NR3C1: variants seen among roughly 807,000 people sequenced by gnomAD.
NR3C1 encodes glucocorticoid receptor.
A neutral mutation model predicts 74.0 loss-of-function variants in NR3C1; 14 were observed. The ratio of observed to expected loss-of-function variants is 0.19; its 90% CI spans 0.12 to 0.30. The LOEUF is 0.30. NR3C1 is among the 10% of genes least tolerant of loss of function. The pLI is 1.00. For synonymous variants in NR3C1, 308 were observed against 332.5 expected (o/e 0.93, Z 0.80); for missense variants, 695 against 909.8 (o/e 0.76, Z 3.04).
intron 3 of NR3C1, among the ~76,000 whole-genome samples, chr5:143,310,816 C>T (rs1361108992): frequency 6.6e-6 from 1 of 152,068 alleles, no homozygotes; most frequent in African/African-American, 2.4e-5. Context: ...CGCCACCACG[C>T]CTGGCTAATT....
intron 2 of NR3C1, among the ~76,000 whole-genome samples, chr5:143,319,070 C>T (rs1198113864): frequency 6.6e-6 from 1 of 152,074 alleles, no homozygotes; most frequent in Non-Finnish European, 1.5e-5. Context: ...GGGGAGACTC[C>T]CAGGGCCCCA....
chr5:143,346,338 C>G (rs1254827650), intron 2 of NR3C1, among the ~76,000 whole-genome samples: 1 of 152,180 alleles, frequency 6.6e-6, no homozygotes, highest in Non-Finnish European at 1.5e-5. Flanking sequence ...CTGTTCTAGC[C>G]TAGGTCCTAG....
At chr5:143,420,083 G>A (rs908513077) in intron 1 of NR3C1, among the ~76,000 whole-genome samples, 17 of 152,144 alleles carry the variant, frequency 1.1e-4, no homozygotes, top group East Asian at 1.9e-4. Flanking sequence ...GCTCACCGGC[G>A]GTCAGAGTTT....
chr5:143,425,128 C>T (rs1400646183), intron 1 of NR3C1, among the ~76,000 whole-genome samples: 1 of 152,006 alleles, frequency 6.6e-6, no homozygotes, highest in South Asian at 2.1e-4. Flanking sequence ...AATACCAAGA[C>T]CATTCAATGA....
chr5:143,434,860 C>T, exon 1 of NR3C1: 2 of 985,436 alleles, frequency 2.0e-6, no homozygotes, highest in Non-Finnish European at 2.4e-6. Context: ...AGCTACACAA[C>T]TCTTGATGAA....
chr5:143,400,282 T>G lies in NR3C1; in HGVS notation c.558A>C (p.Thr186=), dbSNP rs1490924575. 6.2e-7 allele frequency: 1 copy of G among 1,604,624 alleles called. No homozygotes were observed. The stretch of plus-strand genomic sequence containing the variant: ...GCAAAATGTCAAAGGTGCTTTGGTC[T>G]GTGGTATACAATTTCACATTGCCAC... ...TNGGNVKLYT[T]DQSTFDILQD... is the part of the protein sequence containing the mutation. Residue 186 remains threonine, a synonymous_variant, in exon 2 of 9, where the codon ACA becomes ACC. Coordinates refer to ENST00000394464, the MANE Select transcript of NR3C1 (RefSeq NM_000176.3).
chr5:143,309,987 T>G (rs372156967), intron 4 of NR3C1, 110 bp downstream of exon 4: 10 of 834,258 alleles, frequency 1.2e-5, no homozygotes, highest in Non-Finnish European at 2.0e-5. Flanking sequence ...AGCATATATA[T>G]ACTGAACTGA....
At chr5:143,403,975 CG>C, upstream of NR3C1, 1 of 984,580 alleles carries the variant, frequency 1.0e-6, no homozygotes, top group East Asian at 1.1e-4. Flanking sequence ...GCGGCAGCGG[CG>C]GGGGCCGACC....
intron 2 of NR3C1, among the ~76,000 whole-genome samples, chr5:143,330,466 T>A (rs1430874994): frequency 6.6e-6 from 1 of 152,244 alleles, no homozygotes; most frequent in East Asian, 1.9e-4. Context: ...CTCAAACTTG[T>A]TTTAAAAGCT....
At chr5:143,324,705 T>C (rs1016946578) in intron 2 of NR3C1, among the ~76,000 whole-genome samples, 3 of 152,216 alleles carry the variant, frequency 2.0e-5, no homozygotes, top group South Asian at 2.1e-4. Flanking sequence ...AGGCTGCAAA[T>C]TTTCTGAAGT....
chr5:143,366,428 T>C (rs899691977), intron 2 of NR3C1, among the ~76,000 whole-genome samples: 1 of 151,536 alleles, frequency 6.6e-6, no homozygotes, highest in Non-Finnish European at 1.5e-5. Flanking sequence ...GAGAATCTCT[T>C]GAACCCGGGA....
chr5:143,338,304 T>C (rs1041355769), intron 2 of NR3C1, among the ~76,000 whole-genome samples: 10 of 152,134 alleles, frequency 6.6e-5, no homozygotes, highest in African/African-American at 1.9e-4. Flanking sequence ...GTATTTACTG[T>C]ATTATACTTT....
chr5:143,378,305 G>C (rs1483839541), intron 2 of NR3C1, among the ~76,000 whole-genome samples: 1 of 151,966 alleles, frequency 6.6e-6, no homozygotes, highest in Non-Finnish European at 1.5e-5. Flanking sequence ...AAACAGCGAA[G>C]ACTGCAATCC....
At chr5:143,351,860 A>G (rs1311458411) in intron 2 of NR3C1, among the ~76,000 whole-genome samples, 1 of 152,216 alleles carries the variant, frequency 6.6e-6, no homozygotes, top group Non-Finnish European at 1.5e-5. Flanking sequence ...AGCAAGTGTG[A>G]TAGCTTTGCA....
chr5:143,412,431 T>C (rs965413766), intron 1 of NR3C1, among the ~76,000 whole-genome samples: 2 of 152,158 alleles, frequency 1.3e-5, no homozygotes, highest in East Asian at 1.9e-4. Context: ...GATTTTTTTT[T>C]CTCACATTTG....
At chr5:143,372,418 T>C (rs1163849180) in intron 2 of NR3C1, among the ~76,000 whole-genome samples, 1 of 152,182 alleles carries the variant, frequency 6.6e-6, no homozygotes, top group Non-Finnish European at 1.5e-5. Flanking sequence ...AGGCAGCACC[T>C]ACAGCATGGA....
intron 4 of NR3C1, among the ~76,000 whole-genome samples, chr5:143,309,084 T>C (rs61753493): frequency 2.6e-4 from 39 of 151,428 alleles, no homozygotes; most frequent in Non-Finnish European, 5.0e-4. Flanking sequence ...TTTTTTTTTT[T>C]TTTTTTCCAA....
intron 2 of NR3C1, among the ~76,000 whole-genome samples, chr5:143,326,083 C>T (rs1003407733): frequency 6.6e-5 from 10 of 152,184 alleles, no homozygotes; most frequent in Non-Finnish European, 1.2e-4. Context: ...TTACTGAGTC[C>T]ATTTTACAGA....
intron 2 of NR3C1, among the ~76,000 whole-genome samples, chr5:143,365,046 C>T (rs755689885): frequency 6.6e-6 from 1 of 151,822 alleles, no homozygotes; most frequent in Non-Finnish European, 1.5e-5. Flanking sequence ...GTGGCAACCA[C>T]TAAGAAAATA....
Sources: gnomAD v4.1 joint callset for allele counts (sites outside exome capture counted in the v4.1 genomes callset) on GRCh38, gnomAD v4.1.1 for gene constraint, MANE v1.5 for transcripts, NCBI Gene and HGNC (gene_info 2026-07-23, HGNC 2026-07-21) for gene names.